ATCAY: variants seen among roughly 807,000 people sequenced by gnomAD.
ATCAY encodes ATCAY kinesin light chain interacting caytaxin.
ATCAY carries 22 observed loss-of-function variants against 47.7 expected under a neutral mutation model. The ratio of observed to expected loss-of-function variants is 0.46; its 90% CI spans 0.33 to 0.66. The LOEUF (loss-of-function observed/expected upper bound fraction) is 0.66. Among genes scored for constraint, ATCAY ranks in the 30% least tolerant of loss-of-function variants. The pLI is 0.02. For missense variants in ATCAY, 452 were observed against 515.0 expected (o/e 0.88, Z 1.18); for synonymous variants, 216 against 207.6 (o/e 1.04, Z -0.35).
intron 11 of ATCAY, 63 bp from the exon 12 acceptor site, chr19:3,920,703 G>C (rs890593117): frequency 7.0e-7 from 1 of 1,420,450 alleles, no homozygotes; most frequent in African/African-American, 1.5e-5. Context: ...AGAAAAAAAA[G>C]GGAAAATGCC....
chr19:3,920,739 C>T (rs200172309), intron 11 of ATCAY, 27 bp from the exon 12 acceptor site: 100 of 1,562,986 alleles, frequency 6.4e-5, no homozygotes, highest in African/African-American at 3.6e-4. Context: ...AAGCAAATAA[C>T]GCCCAGTCTC....
Position 3,921,595 on chromosome 19 carries a change from G to C in ATCAY, c.1106+797G>C, listed in dbSNP as rs1045517308. The stretch of plus-strand genomic sequence containing the variant: ...GTGGCATGGTTTATTACAGTAGAAG[G>C]GTACAGTTAAAAATCAGCAGAGTTG... On this transcript the variant is annotated intron_variant, in intron 12 of 12. Transcript: ENST00000450849. 2.0e-5 allele frequency among the ~76,000 whole-genome samples: 3 copies of C among 151,070 alleles called. No homozygotes were observed. The Admixed American group carries it at 2.0e-4, about 10-fold the overall frequency.
At chr19:3,906,413 T>C (rs1416831488) in intron 4 of ATCAY, among the ~76,000 whole-genome samples, 2 of 151,258 alleles carry the variant, frequency 1.3e-5, no homozygotes, top group African/African-American at 4.9e-5. Flanking sequence ...AGCGATTCTT[T>C]TGCCTCAGCC....
intron 1 of ATCAY, among the ~76,000 whole-genome samples, chr19:3,884,902 C>T (rs2038634535): frequency 1.3e-5 from 2 of 150,940 alleles, no homozygotes; most frequent in African/African-American, 2.4e-5. Flanking sequence ...TTTGAGACCA[C>T]CCTGGCCAAC....
chr19:3,881,503 A>T (rs979252534), intron 1 of ATCAY, among the ~76,000 whole-genome samples: 38 of 71,504 alleles, frequency 5.3e-4, no homozygotes, highest in African/African-American at 1.1e-3. Flanking sequence ...CTCGTATGTG[A>T]TTTGTTAATA....
intron 2 of ATCAY, chr19:3,893,651 T>G (rs1179150559): frequency 6.6e-6 from 1 of 152,190 alleles, no homozygotes; most frequent in Admixed American, 6.6e-5. Flanking sequence ...CCTTGGAAAC[T>G]GCAGCTCCAT....
In ATCAY at chr19:3,913,894, G is replaced by C. The variant is rs199936399; in HGVS notation, c.965+38G>C. ...ACAGTCCACCCCGCCGTATTAGTCT[G>C]TTTTCGTGCTGCTGATAAAGACACA... On this transcript the variant is annotated intron_variant, in intron 9 of 12. Coordinates refer to ENST00000450849, the MANE Select transcript of ATCAY (RefSeq NM_033064.5). The C allele has an allele frequency of 2.7e-3, 4,214 of 1,560,876 alleles. 12 individuals carry two copies. Among genetic ancestry groups the C allele is most frequent in the Middle Eastern group, 8.6e-3 (51 of 5,958 alleles).
chr19:3,912,282 G>A (rs1236334861), intron 8 of ATCAY, among the ~76,000 whole-genome samples: 1 of 152,020 alleles, frequency 6.6e-6, no homozygotes, highest in Non-Finnish European at 1.5e-5. Flanking sequence ...AGACCAGCCT[G>A]GGTGACATAG....
intron 1 of ATCAY, among the ~76,000 whole-genome samples, chr19:3,885,122 A>T (rs1380525994): frequency 6.7e-6 from 1 of 149,286 alleles, no homozygotes; most frequent in Non-Finnish European, 1.5e-5. Flanking sequence ...AAAAAAAAAA[A>T]AAAAAAAAAA....
intron 2 of ATCAY, among the ~76,000 whole-genome samples, chr19:3,901,088 G>C (rs2038812545): frequency 6.6e-6 from 1 of 151,516 alleles, no homozygotes; most frequent in South Asian, 2.1e-4. Flanking sequence ...ACTTTTAGTA[G>C]AGACGGGGTT....
At chr19:3,921,897 A>AT (rs1457054862) in intron 12 of ATCAY, among the ~76,000 whole-genome samples, 1 of 146,682 alleles carries the variant, frequency 6.8e-6, no homozygotes, top group Admixed American at 6.7e-5. Context: ...ACTCTGTTTA[A>AT]AAAAAAAAAA....
intron 2 of ATCAY, among the ~76,000 whole-genome samples, chr19:3,888,693 C>G (rs899953991): frequency 7.9e-5 from 12 of 152,100 alleles, no homozygotes; most frequent in African/African-American, 2.9e-4. Context: ...GAGGGCAGAA[C>G]GAGGCCAAAA....
At chr19:3,911,603 T>A (rs1400086917) in intron 8 of ATCAY, among the ~76,000 whole-genome samples, 6 of 151,692 alleles carry the variant, frequency 4.0e-5, no homozygotes, top group African/African-American at 1.5e-4. Context: ...TAAAACTACA[T>A]ATATTCTATA....
At chr19:3,914,449 T>A (rs566346821) in intron 9 of ATCAY, among the ~76,000 whole-genome samples, 173 of 151,944 alleles carry the variant, frequency 1.1e-3, no homozygotes, top group Non-Finnish European at 1.7e-3. Context: ...CATGATTCAG[T>A]GACCTCCCAC....
At chr19:3,922,071 G>A (rs2039025769) in intron 12 of ATCAY, 1 of 683,050 alleles carries the variant, frequency 1.5e-6, no homozygotes, top group Non-Finnish European at 2.7e-6. Flanking sequence ...CTGCCAACTA[G>A]AGAAGCTGAC....
At chr19:3,881,730 T>TC (rs1214494033) in intron 1 of ATCAY, among the ~76,000 whole-genome samples, 2 of 151,494 alleles carry the variant, frequency 1.3e-5, no homozygotes, top group Non-Finnish European at 2.9e-5. Flanking sequence ...GTGGGAGTGT[T>TC]CCTGGGGGCT....
intron 2 of ATCAY, among the ~76,000 whole-genome samples, chr19:3,901,326 G>A (rs113538178): frequency 0.011 from 1,599 of 152,204 alleles, 42 homozygotes; most frequent in African/African-American, 0.036. Context: ...TGGACTCATA[G>A]ACATTTATTT....
intron 1 of ATCAY, among the ~76,000 whole-genome samples, chr19:3,881,870 C>CT (rs1004449762): frequency 7.4e-6 from 1 of 135,660 alleles, no homozygotes; most frequent in African/African-American, 3.3e-5. Flanking sequence ...GCCACCGCCC[C>CT]CCCCCCGACC....
At chr19:3,908,068 A>C in intron 5 of ATCAY, 149 bp downstream of exon 5, 1 of 1,196,952 alleles carries the variant, frequency 8.4e-7, no homozygotes, top group Non-Finnish European at 1.2e-6. Context: ...GTGCATGGTC[A>C]GGGAGGCGCA....
Sources: gnomAD v4.1 joint callset for allele counts (sites outside exome capture counted in the v4.1 genomes callset) on GRCh38, gnomAD v4.1.1 for gene constraint, MANE v1.5 for transcripts, NCBI Gene and HGNC (gene_info 2026-07-23, HGNC 2026-07-21) for gene names.